The following CACFD1 variants were observed in gnomAD, a reference collection of about 807,000 sequenced individuals.
CACFD1 encodes calcium channel flower domain containing 1.
CACFD1 carries 26 observed loss-of-function variants against 21.3 expected under a neutral mutation model. That is an observed-to-expected ratio of 1.22 (90% CI 0.89 to 1.69). The LOEUF is 1.69. Among genes scored for constraint, CACFD1 ranks in the 40% most tolerant of loss-of-function variants. The pLI is 0.00. For synonymous variants in CACFD1, 121 were observed against 106.6 expected, an observed-to-expected ratio of 1.13 and a Z score of -0.83; for missense variants, 265 against 236.2, an observed-to-expected ratio of 1.12 and a Z score of -0.80.
rs1843503547 is a variant in CACFD1 at position 133,467,926 on chromosome 9, C to T, written c.326C>T (p.Ala109Val). 8 of 1,611,552 alleles carry T rather than the reference C, an allele frequency of 5.0e-6. No individual in the cohort carries two copies. In the East Asian group the frequency reaches 6.7e-5, roughly 13 times the overall value. The part of the protein sequence containing the change: ...WQKAVFYCGM[A>V]VVPIVISLTL... ...GACCTCTGCTTTCCCCCCAGGATGG[C>T]GGTCGTTCCCATCGTCATCAGCCTG... The change falls in exon 4 of 5, where the codon GCG (alanine) becomes GTG (valine). Residue 109 changes from alanine (A) to valine (V), a missense_variant. Transcript: ENST00000316948.
intron 2 of CACFD1, among the ~76,000 whole-genome samples, chr9:133,464,188 TTGA>T (rs1485487877): frequency 1.3e-5 from 2 of 152,012 alleles, no homozygotes; most frequent in Non-Finnish European, 2.9e-5. Context: ...GCACCAGGAA[TTGA>T]TGAGTGTCCT....
intron 3 of CACFD1, among the ~76,000 whole-genome samples, chr9:133,467,173 C>T (rs587691399): frequency 2.6e-5 from 4 of 152,222 alleles, no homozygotes; most frequent in African/African-American, 9.7e-5. Context: ...TCTAGGGAGG[C>T]GACAGGACAG....
At chr9:133,460,471 CGGCGGG>C (rs55944944) in intron 1 of CACFD1, among the ~76,000 whole-genome samples, 4 of 125,892 alleles carry the variant, frequency 3.2e-5, no homozygotes, top group Admixed American at 7.8e-5. Context: ...GGCGGGGGGG[CGGCGGG>C]GGCGGGGGTG....
Position 133,460,086 on chromosome 9 carries a change from C to A in CACFD1, c.20C>A (p.Ala7Glu). ...GGCACCATGAGCAGCTCAGGTGGGG[C>A]GCCCGGGGCGTCCGCCAGCTCTGCG... Reference protein sequence around the residue: MSSSGGAPGASASSAPP... With the variant: MSSSGGEPGASASSAPP... Residue 7 changes from alanine to glutamate, a missense_variant, in exon 1 of 5, where the codon GCG becomes GAG. Transcript: ENST00000316948. The A allele has an allele frequency of 6.4e-7, 1 of 1,562,630 alleles. No homozygotes were observed. The highest frequency in any genetic ancestry group is 1.2e-5 in the South Asian group (1 of 85,778).
chr9:133,463,583 G>T, intron 2 of CACFD1, 28 bp downstream of exon 2: 1 of 1,611,808 alleles, frequency 6.2e-7, no homozygotes, highest in Non-Finnish European at 8.5e-7. Context: ...GTCCCACCCC[G>T]GGGGTCTTGC....
At chr9:133,462,801 GC>G (rs1342399643) in intron 1 of CACFD1, among the ~76,000 whole-genome samples, 11 of 152,248 alleles carry the variant, frequency 7.2e-5, no homozygotes, top group African/African-American at 1.2e-4. Flanking sequence ...GGAAAACGAT[GC>G]CCCCTCCCCT....
Position 133,465,731 on chromosome 9 carries a change from C to T in CACFD1, c.320+284C>T, listed in dbSNP as rs920643371. 4 of 354,922 alleles carry T rather than the reference C, an allele frequency of 1.1e-5. No homozygotes were observed. The highest frequency in any genetic ancestry group is 8.0e-5 in the South Asian group (2 of 24,864). The allele number at this position is 354,922 out of a possible 1,614,324, so 22.0% of individuals were successfully genotyped here. A position where few individuals can be genotyped will look rare whatever the true frequency, so the allele number is the denominator to read the frequency against. ...CGTGCAGTGGAGAGAAAGTGGGAAG[C>T]GTCTGGAATTTTGGTCCGTCCACTG... On this transcript the variant is annotated intron_variant, in intron 3 of 4. Coordinates refer to ENST00000316948, the MANE Select transcript of CACFD1 (RefSeq NM_017586.5). The surrounding 1 kb of genome is among the most constrained non-coding windows in gnomAD (Gnocchi z 5.0).
chr9:133,461,964 G>A, intron 1 of CACFD1: 1 of 985,426 alleles, frequency 1.0e-6, no homozygotes, highest in Non-Finnish European at 1.2e-6. Flanking sequence ...TGGGTCCTAA[G>A]AGCATCTGGA....
At chr9:133,460,247 CT>C in intron 1 of CACFD1, 60 bp downstream of exon 1, 8 of 1,384,174 alleles carry the variant, frequency 5.8e-6, no homozygotes, top group Non-Finnish European at 7.5e-6. Context: ...TCGCCCTGCC[CT>C]GCCCCGCCCC....
At chr9:133,463,310 C>T (rs1443586173) in intron 1 of CACFD1, 173 bp from the exon 2 acceptor site, 39 of 815,956 alleles carry the variant, frequency 4.8e-5, no homozygotes, top group Non-Finnish European at 7.4e-6. Flanking sequence ...CTGCACCTCT[C>T]TGCGTCTCCT....
chr9:133,460,034 T>G lies in CACFD1; in HGVS notation c.-33T>G. The G allele has an allele frequency of 6.6e-7, 1 of 1,523,696 alleles. No homozygotes were observed. The highest frequency in any genetic ancestry group is 2.6e-5 in the East Asian group (1 of 38,660). 94.4% of individuals were successfully genotyped at this position (1,523,696 alleles called of 1,614,324 possible). On this transcript the variant is annotated 5_prime_UTR_variant, in exon 1 of 5. Transcript: ENST00000316948. ...ACGCGGCCGGCTACCGAGCCCTTTG[T>G]GAGGGCTGTGAGCTGCGCCTGACGG... is the stretch of plus-strand genomic sequence containing the variant.
chr9:133,462,667 G>T (rs1021033915), intron 1 of CACFD1, among the ~76,000 whole-genome samples: 3 of 152,222 alleles, frequency 2.0e-5, no homozygotes, highest in African/African-American at 7.2e-5. Flanking sequence ...TCCTGGTGAA[G>T]CCAGGCTGCA....
At chr9:133,467,089 CAT>C (rs149642151) in intron 3 of CACFD1, among the ~76,000 whole-genome samples, 1,620 of 152,314 alleles carry the variant, frequency 0.011, 39 homozygotes, top group African/African-American at 0.036. Context: ...CTCACAACCA[CAT>C]GTCTACAAGA....
chr9:133,466,396 AAC>A (rs1285709958), intron 3 of CACFD1, among the ~76,000 whole-genome samples: 4 of 152,330 alleles, frequency 2.6e-5, no homozygotes, highest in South Asian at 2.1e-4. Context: ...GCCTGCTTTT[AAC>A]ACAGTTATAA....
At chr9:133,467,879 TG>T in intron 3 of CACFD1, 41 bp from the exon 4 acceptor site, 1 of 1,400,854 alleles carries the variant, frequency 7.1e-7, no homozygotes. Flanking sequence ...ATGTGGTGGC[TG>T]TGGGGCCGGA....
rs1843057489 is a variant in CACFD1 at position 133,459,994 on chromosome 9, AGC to A, written c.-68_-67del. The A allele has an allele frequency of 6.9e-7, 1 of 1,451,764 alleles. No individual in the cohort carries two copies. Among genetic ancestry groups the A allele is most frequent in the African/African-American group, 1.5e-5 (1 of 67,668 alleles). 89.9% of individuals were successfully genotyped at this position (1,451,764 alleles called of 1,614,324 possible). ...TAATATGCTCCCTCTCCCACAAGGC[AGC>A]GCGCCGGCTCGGACGCGGCCGGCTA... On this transcript the variant is annotated 5_prime_UTR_variant, in exon 1 of 5. Transcript: ENST00000316948.
chr9:133,463,544 C>A lies in CACFD1; in HGVS notation c.183C>A (p.Gly61=). ...TCCACCCTCTGAACATTGCGGCCGGCGTGTGGATGATGTGAGTAATGCATG... is the reference window on the plus strand; with the variant it reads ...TCCACCCTCTGAACATTGCGGCCGGAGTGTGGATGATGTGAGTAATGCATG... ...ITIHPLNIAA[G]VWMIMNAFIL... is the part of the protein sequence containing the mutation. Residue 61 remains glycine, a synonymous_variant, in exon 2 of 5, where the codon GGC becomes GGA. Coordinates refer to ENST00000316948, the MANE Select transcript of CACFD1 (RefSeq NM_017586.5). 1.2e-6 allele frequency: 2 copies of A among 1,614,024 alleles called. No individual in the cohort carries two copies. Among genetic ancestry groups the A allele is most frequent in the Non-Finnish European group, 1.7e-6 (2 of 1,179,966 alleles).
Position 133,460,202 on chromosome 9 carries a change from G to A in CACFD1, c.121+15G>A, listed in dbSNP as rs782387178. 303 of 1,523,430 alleles carry A rather than the reference G, an allele frequency of 2.0e-4. No individual in the cohort carries two copies. Among genetic ancestry groups the A allele is most frequent in the Non-Finnish European group, 2.6e-4 (291 of 1,137,226 alleles). The allele number at this position is 1,523,430 out of a possible 1,614,324, so 94.4% of individuals were successfully genotyped here. ...GGGGGCAGTCTGTGAGTATCCAGTC[G>A]GGGAGAGGGGCCGGCCCCGCCGCGC... is the stretch of plus-strand genomic sequence containing the variant. On this transcript the variant is annotated intron_variant, in intron 1 of 4. Coordinates refer to ENST00000316948, the MANE Select transcript of CACFD1 (RefSeq NM_017586.5).
At chr9:133,463,980 T>G (rs1001619101) in intron 2 of CACFD1, among the ~76,000 whole-genome samples, 4 of 152,178 alleles carry the variant, frequency 2.6e-5, no homozygotes, top group African/African-American at 9.7e-5. Context: ...AATGGTCTGC[T>G]GGGAGAGGGC....
Sources: allele counts gnomAD v4.1 joint callset (sites outside exome capture counted in the v4.1 genomes callset), GRCh38; gene constraint gnomAD v4.1.1; non-coding constraint Gnocchi (gnomAD v3.1); transcripts MANE v1.5; gene names NCBI Gene and HGNC (gene_info 2026-07-23, HGNC 2026-07-21).